DSCAM: variants seen among roughly 807,000 people sequenced by gnomAD.
DSCAM encodes cell adhesion molecule DSCAM.
In DSCAM, 47 loss-of-function variants were observed where a neutral mutation model predicts 217.7. That is an observed-to-expected ratio of 0.22 (90% confidence interval 0.17 to 0.28). The LOEUF (loss-of-function observed/expected upper bound fraction) is 0.28, where lower values mean the gene tolerates loss of function less well. Among genes scored for constraint, DSCAM ranks in the 10% least tolerant of loss-of-function variants. The pLI is 1.00. For synonymous variants in DSCAM, 1,056 were observed against 1,015.3 expected (o/e 1.04, Z -0.76); for missense variants, 2,080 against 2,618.3 (o/e 0.79, Z 4.49).
At chr21:40,389,887 G>A (rs183498009) in intron 3 of DSCAM, among the ~76,000 whole-genome samples, 15 of 152,310 alleles carry the variant, frequency 9.8e-5, no homozygotes, top group Admixed American at 8.5e-4. Flanking sequence ...GTGAGGACAC[G>A]GGGAATAAAT....
chr21:40,607,238 G>C (rs1233172289), intron 3 of DSCAM, among the ~76,000 whole-genome samples: 1 of 143,328 alleles, frequency 7.0e-6, no homozygotes, highest in East Asian at 2.1e-4. Context: ...TCAGCAAAAA[G>C]AACTAATAAA....
At chr21:40,023,459 G>A (rs2146427668) in intron 32 of DSCAM, among the ~76,000 whole-genome samples, 1 of 150,348 alleles carries the variant, frequency 6.7e-6, no homozygotes, top group South Asian at 2.1e-4. Flanking sequence ...CTTCCACAAT[G>A]GTTGAACTAG....
At chr21:40,706,323 C>G (rs984195106) in intron 2 of DSCAM, among the ~76,000 whole-genome samples, 1 of 152,126 alleles carries the variant, frequency 6.6e-6, no homozygotes, top group Non-Finnish European at 1.5e-5. Context: ...GGGTAAGGAG[C>G]AATACTGTCT....
chr21:40,413,161 C>T (rs570997556), intron 3 of DSCAM, among the ~76,000 whole-genome samples: 33 of 152,348 alleles, frequency 2.2e-4, no homozygotes, highest in Admixed American at 2.0e-3. Context: ...TCATGGAGAA[C>T]CTCTGCTACG....
At chr21:40,106,253 C>T (rs935255968) in intron 20 of DSCAM, among the ~76,000 whole-genome samples, 4 of 152,148 alleles carry the variant, frequency 2.6e-5, no homozygotes, top group African/African-American at 9.7e-5. Flanking sequence ...AATTACCTTC[C>T]ACCGGGTCTT....
chr21:40,733,193 T>C (rs13049429), intron 1 of DSCAM, among the ~76,000 whole-genome samples: 6,616 of 152,242 alleles, frequency 0.043, 206 homozygotes, highest in East Asian at 0.12. Context: ...GAGAGGCACT[T>C]ACAGGGAGGC....
In DSCAM at chr21:40,675,821, C is replaced by T. The variant is rs573583142; in HGVS notation, c.508+16989G>A. ...CACAGAGTTTACAATGTTTGTCCCT[C>T]GTGCCGCCTCCTCAATTTAACTAAC... On this transcript the variant is annotated intron_variant, in intron 3 of 32. Transcript: ENST00000400454. 1.1e-3 allele frequency among the ~76,000 whole-genome samples: 173 copies of T among 152,332 alleles called. 1 individual carries two copies. Among genetic ancestry groups the T allele is most frequent in the African/African-American group, 4.1e-3 (170 of 41,570 alleles).
chr21:40,345,700 T>C (rs1248050623), intron 6 of DSCAM, among the ~76,000 whole-genome samples: 2 of 152,110 alleles, frequency 1.3e-5, no homozygotes, highest in Admixed American at 1.3e-4. Context: ...GTGAGAATAA[T>C]GGGAGTGTTT....
chr21:40,154,170 TC>T (rs2090452394), intron 16 of DSCAM, among the ~76,000 whole-genome samples: 1 of 151,410 alleles, frequency 6.6e-6, no homozygotes, highest in Non-Finnish European at 1.5e-5. Flanking sequence ...CTTTCTTTCC[TC>T]TCCTTTCTTC....
intron 3 of DSCAM, among the ~76,000 whole-genome samples, chr21:40,608,006 T>G (rs979347200): frequency 6.6e-6 from 1 of 152,022 alleles, no homozygotes; most frequent in African/African-American, 2.4e-5. Context: ...GGGGGGAGTT[T>G]CAGGAGGGCC....
In DSCAM at chr21:40,142,687, CG is replaced by C. The variant is rs1375541923; in HGVS notation, c.3276del (p.Glu1093LysfsTer6). On this transcript the variant is annotated frameshift_variant, in exon 18 of 33. Transcript: ENST00000400454. LOFTEE classifies it high-confidence loss of function. ...GATGTTGCTATGGCTTGGACATTTT[CG>C]GGGGGGTAACTGGGCACTGAAATCA... The part of the protein sequence containing the change: ...TTLEDVPSYP[P>X]ENVQAIATSP... 3 of 1,613,594 alleles carry C rather than the reference CG, an allele frequency of 1.9e-6. No homozygotes were observed. The highest frequency in any genetic ancestry group is 1.7e-5 in the Admixed American group (1 of 59,952).
chr21:40,227,400 G>A (rs1187814104), intron 11 of DSCAM, among the ~76,000 whole-genome samples: 5 of 152,184 alleles, frequency 3.3e-5, no homozygotes, highest in Non-Finnish European at 7.3e-5. Flanking sequence ...CAACTCTTTG[G>A]AAAAGGGTCA....
At chr21:40,566,855 C>G (rs141302149) in intron 3 of DSCAM, among the ~76,000 whole-genome samples, 8 of 152,254 alleles carry the variant, frequency 5.3e-5, no homozygotes, top group Middle Eastern at 3.4e-3. Flanking sequence ...TGCTGAGCAT[C>G]ATACTTGCTG....
At chr21:40,379,672 T>C (rs1181820412) in intron 3 of DSCAM, among the ~76,000 whole-genome samples, 1 of 152,194 alleles carries the variant, frequency 6.6e-6, no homozygotes, top group African/African-American at 2.4e-5. Context: ...GGCAGTTGCC[T>C]CTCTGAAGAC....
rs1051074776 is a variant in DSCAM at position 40,780,413 on chromosome 21, GTGTGTGTGTGTATATA to G, written c.43+66190_43+66205del. 9.7e-3 allele frequency among the ~76,000 whole-genome samples: 439 copies of G among 45,124 alleles called. 5 individuals carry two copies. Among genetic ancestry groups the G allele is most frequent in the African/African-American group, 0.066 (422 of 6,418 alleles). 29.6% of individuals were successfully genotyped at this position (45,124 alleles called of 152,430 possible). On this transcript the variant is annotated intron_variant, in intron 1 of 32. Transcript: ENST00000400454. The stretch of plus-strand genomic sequence containing the variant: ...CAAATATAAACGTGTGTGTGTGTGT[GTGTGTGTGTGTATATA>G]TATATATATATATATATATCTCCTG...
chr21:40,333,832 T>G (rs2074401869), intron 8 of DSCAM, among the ~76,000 whole-genome samples: 1 of 152,066 alleles, frequency 6.6e-6, no homozygotes, highest in South Asian at 2.1e-4. Flanking sequence ...GAGCTACAGG[T>G]GCGTACCACA....
At chr21:40,580,757 C>A (rs2076898930) in intron 3 of DSCAM, among the ~76,000 whole-genome samples, 1 of 152,072 alleles carries the variant, frequency 6.6e-6, no homozygotes. Context: ...GGAAAACACC[C>A]AATGTACCAG....
In DSCAM at chr21:40,305,201, C is replaced by T. The variant is rs2074058968; in HGVS notation, c.2062+6880G>A. Among the ~76,000 whole-genome samples, 3 of 151,940 alleles carry T rather than the reference C, an allele frequency of 2.0e-5. No homozygotes were observed. In the South Asian group the frequency reaches 6.2e-4, roughly 32 times the overall value. On this transcript the variant is annotated intron_variant, in intron 9 of 32. Coordinates refer to ENST00000400454, the MANE Select transcript of DSCAM (RefSeq NM_001389.5). ...GGCCAGGAGTTCGAGACCAGCCTGG[C>T]CAACGTGGTGAAACCTTGTCTCTAC... is the stretch of plus-strand genomic sequence containing the variant.
intron 1 of DSCAM, among the ~76,000 whole-genome samples, chr21:40,744,370 C>T (rs1045231893): frequency 1.1e-4 from 16 of 152,094 alleles, no homozygotes; most frequent in African/African-American, 3.9e-4. Flanking sequence ...GAAGCATGAT[C>T]GGCAGGAAGG....
Sources: allele counts gnomAD v4.1 joint callset (sites outside exome capture counted in the v4.1 genomes callset), GRCh38; gene constraint gnomAD v4.1.1; transcripts MANE v1.5; gene names NCBI Gene and HGNC (gene_info 2026-07-23, HGNC 2026-07-21).